The following STXBP3 variants were observed in gnomAD, a reference collection of about 807,000 sequenced individuals.
STXBP3 encodes the protein syntaxin-binding protein 3.
A neutral mutation model predicts 85.7 loss-of-function variants in STXBP3; 41 were observed. The ratio of observed to expected loss-of-function variants is 0.48; its 90% CI spans 0.37 to 0.62. The LOEUF is 0.62. Among genes scored for constraint, STXBP3 ranks in the 20% least tolerant of loss-of-function variants. STXBP3 has a pLI of 0.00. For missense variants in STXBP3, 563 were observed against 703.1 expected, an observed-to-expected ratio of 0.80 and a Z score of 2.25; for synonymous variants, 229 against 231.7, an observed-to-expected ratio of 0.99 and a Z score of 0.10.
At chr1:108,763,039 CAAGAGT>C (rs2101108632) in intron 6 of STXBP3, among the ~76,000 whole-genome samples, 1 of 152,242 alleles carries the variant, frequency 6.6e-6, no homozygotes, top group South Asian at 2.1e-4. Context: ...TTTTTAAAAT[CAAGAGT>C]AAGAAGTAAA....
At chr1:108,758,451 G>T in intron 4 of STXBP3, 59 bp from the exon 5 acceptor site, 1 of 845,630 alleles carries the variant, frequency 1.2e-6, no homozygotes, top group Non-Finnish European at 1.8e-6. Context: ...CATTTCAAAA[G>T]GTAACATATT....
At chr1:108,760,491 G>A (rs2101106933) in intron 6 of STXBP3, among the ~76,000 whole-genome samples, 1 of 151,960 alleles carries the variant, frequency 6.6e-6, no homozygotes, top group African/African-American at 2.4e-5. Context: ...TAAAGTGAGG[G>A]GATTTTTGAC....
intron 1 of STXBP3, among the ~76,000 whole-genome samples, chr1:108,747,574 G>A (rs1661817509): frequency 6.6e-6 from 1 of 152,110 alleles, no homozygotes; most frequent in African/African-American, 2.4e-5. Context: ...CCACCCAACA[G>A]GAATAACCAT....
intron 6 of STXBP3, among the ~76,000 whole-genome samples, chr1:108,761,577 T>C (rs893166783): frequency 5.3e-5 from 8 of 152,210 alleles, no homozygotes; most frequent in South Asian, 2.1e-4. Context: ...TTTCTACTTA[T>C]CAGTCTTTAC....
Position 108,808,971 on chromosome 1 carries a change from AT to A in STXBP3, c.*98del. ...GTCATGTAATTTAAACAATGTAAAT[AT>A]TTTATGGAATAATGGCTTTTCAAAT... On this transcript the variant is annotated 3_prime_UTR_variant, in exon 19 of 19. Transcript: ENST00000370008. 1.2e-6 allele frequency: 1 copy of A among 805,548 alleles called. No individual in the cohort carries two copies. Among genetic ancestry groups the A allele is most frequent in the Non-Finnish European group, 2.0e-6 (1 of 505,978 alleles). The allele number at this position is 805,548 out of a possible 1,614,324, so 49.9% of individuals were successfully genotyped here.
At chr1:108,752,197 T>C in intron 1 of STXBP3, 60 bp from the exon 2 acceptor site, 1 of 1,515,190 alleles carries the variant, frequency 6.6e-7, no homozygotes, top group South Asian at 1.2e-5. Flanking sequence ...TTTTGGACCC[T>C]TTGGATTACT....
chr1:108,750,179 A>G (rs562110010), intron 1 of STXBP3, among the ~76,000 whole-genome samples: 1 of 152,214 alleles, frequency 6.6e-6, no homozygotes, highest in East Asian at 1.9e-4. Context: ...GAAAGACACA[A>G]ATAAATCTGA....
At chr1:108,761,736 G>A (rs1160254766) in intron 6 of STXBP3, among the ~76,000 whole-genome samples, 1 of 152,120 alleles carries the variant, frequency 6.6e-6, no homozygotes, top group Non-Finnish European at 1.5e-5. Flanking sequence ...ACTTTGGGAG[G>A]CCGAGGTGGG....
At chr1:108,752,093 T>C (rs991519329) in intron 1 of STXBP3, among the ~76,000 whole-genome samples, 164 bp from the exon 2 acceptor site, 2 of 152,174 alleles carry the variant, frequency 1.3e-5, no homozygotes, top group African/African-American at 4.8e-5. Flanking sequence ...CTGTATAGGC[T>C]AGGTATTAGA....
intron 18 of STXBP3, among the ~76,000 whole-genome samples, chr1:108,807,887 T>C (rs1337600015): frequency 6.6e-6 from 1 of 152,184 alleles, no homozygotes; most frequent in African/African-American, 2.4e-5. Flanking sequence ...TTCTTTTCTG[T>C]TTTTAAACAA....
At chr1:108,785,546 A>G (rs566699956) in intron 11 of STXBP3, among the ~76,000 whole-genome samples, 94 of 140,882 alleles carry the variant, frequency 6.7e-4, no homozygotes, top group Non-Finnish European at 1.3e-3. Context: ...GGTCTCTGAC[A>G]TGCCCTGGAG....
chr1:108,798,270 A>G, intron 16 of STXBP3, 33 bp downstream of exon 16: 1 of 1,535,134 alleles, frequency 6.5e-7, no homozygotes, highest in Non-Finnish European at 9.0e-7. Context: ...TTTCTACCTG[A>G]GTGCCCTCTT....
intron 13 of STXBP3, 62 bp from the exon 14 acceptor site, chr1:108,796,172 T>C: frequency 1.9e-6 from 3 of 1,562,420 alleles, no homozygotes; most frequent in Non-Finnish European, 2.6e-6. Flanking sequence ...CAATAATAGA[T>C]GTTTTTAACT....
intron 3 of STXBP3, among the ~76,000 whole-genome samples, chr1:108,756,050 T>C (rs929799469): frequency 6.6e-6 from 1 of 152,180 alleles, no homozygotes; most frequent in Non-Finnish European, 1.5e-5. Flanking sequence ...TTTTAAGAAA[T>C]ATATATGTAG....
At chr1:108,768,324 TC>T (rs1386913483) in intron 6 of STXBP3, among the ~76,000 whole-genome samples, 1 of 152,092 alleles carries the variant, frequency 6.6e-6, no homozygotes, top group Non-Finnish European at 1.5e-5. Context: ...GGTCTCGAAC[TC>T]CCGGGTTCAA....
In STXBP3 at chr1:108,808,841, A is replaced by T. The variant is rs201321358; in HGVS notation, c.1743A>T (p.Lys581Asn). The T allele has an allele frequency of 1.9e-5, 31 of 1,613,082 alleles. No individual in the cohort carries two copies. Among genetic ancestry groups the T allele is most frequent in the Non-Finnish European group, 8.5e-6 (10 of 1,179,636 alleles). ...TGGATGATATAAAGATGCTGAATAA[A>T]CCCAAGGATAAAGTCTCCTTAATTA... is the stretch of plus-strand genomic sequence containing the variant. The part of the protein sequence containing the change: ...KLLDDIKMLN[K>N]PKDKVSLIKD... The change falls in exon 19 of 19, where the codon AAA becomes AAT. Residue 581 changes from lysine (K) to asparagine (N), a missense_variant. By Grantham distance (94) the Lys-to-Asn change is moderately conservative (BLOSUM62 0). Transcript: ENST00000370008.
intron 7 of STXBP3, 130 bp downstream of exon 7, chr1:108,772,949 A>G: frequency 1.2e-6 from 1 of 825,594 alleles, no homozygotes. Context: ...CATGCTCTAC[A>G]TATAGGAGAT....
rs1314391498 is a variant in STXBP3, at chr1:108,801,663, T to TA, written c.1535+1358_1535+1359insA. Among the ~76,000 whole-genome samples, 16 of 151,674 alleles carry TA rather than the reference T, an allele frequency of 1.1e-4. No individual in the cohort carries two copies. The East Asian group carries it at 3.1e-3, about 29-fold the overall frequency. On this transcript the variant is annotated intron_variant, in intron 17 of 18. Transcript: ENST00000370008. ...AGTCTCCCTCCTTTTTTTAATTTTTTTTTTTTTTTTAAATAGAGGCAAGGC... is the reference window on the plus strand; with the variant it reads ...AGTCTCCCTCCTTTTTTTAATTTTTTATTTTTTTTTTAAATAGAGGCAAGGC...
At chr1:108,766,525 C>G (rs1204252416) in intron 6 of STXBP3, among the ~76,000 whole-genome samples, 2 of 152,042 alleles carry the variant, frequency 1.3e-5, no homozygotes, top group Non-Finnish European at 1.5e-5. Context: ...AATCAAGATA[C>G]TAAAAGATTA....
Sources: gnomAD v4.1 joint callset for allele counts (sites outside exome capture counted in the v4.1 genomes callset) on GRCh38, gnomAD v4.1.1 for gene constraint, MANE v1.5 for transcripts, NCBI Gene and HGNC (gene_info 2026-07-23, HGNC 2026-07-21) for gene names.